The following PRDM10 variants were observed in gnomAD, a reference collection of about 807,000 sequenced individuals.
PRDM10 encodes the protein PR/SET domain 10, also known as PR domain zinc finger protein 10.
PRDM10 carries 65 observed loss-of-function variants against 133.1 expected under a neutral mutation model. The observed-to-expected ratio is 0.49, with a 90% CI of 0.40 to 0.60. PRDM10 has a LOEUF of 0.60. Among genes scored for constraint, PRDM10 ranks in the 20% least tolerant of loss-of-function variants. The pLI is 0.00. For missense variants in PRDM10, 1,137 were observed against 1,507.1 expected (o/e 0.75, Z 4.07); for synonymous variants, 582 against 580.4 (o/e 1.00, Z -0.04).
At chr11:130,000,042 AT>A (rs955648260) in intron 1 of PRDM10, among the ~76,000 whole-genome samples, 305 of 138,592 alleles carry the variant, frequency 2.2e-3, no homozygotes, top group East Asian at 7.9e-3. Context: ...TCGCTTCTAA[AT>A]TTTTTTTTTT....
At chr11:130,000,073 C>T (rs1386389162) in intron 1 of PRDM10, among the ~76,000 whole-genome samples, 3 of 125,666 alleles carry the variant, frequency 2.4e-5, no homozygotes, top group East Asian at 4.5e-4. Context: ...GACGGAGTTT[C>T]GCTCTTGTTG....
intron 14 of PRDM10, among the ~76,000 whole-genome samples, 184 bp from the exon 15 acceptor site, chr11:129,917,421 A>G (rs1320899954): frequency 1.3e-5 from 2 of 152,236 alleles, no homozygotes; most frequent in Non-Finnish European, 2.9e-5. Context: ...ACTCACAGTC[A>G]TGGTTAACAG....
chr11:129,943,160 T>C (rs1951269446), intron 6 of PRDM10, among the ~76,000 whole-genome samples: 1 of 152,200 alleles, frequency 6.6e-6, no homozygotes, highest in African/African-American at 2.4e-5. Context: ...GGAGTGGTTA[T>C]CCACAAAGCA....
intron 17 of PRDM10, among the ~76,000 whole-genome samples, chr11:129,912,696 G>A (rs1950226406): frequency 6.6e-6 from 1 of 151,008 alleles, no homozygotes; most frequent in African/African-American, 2.4e-5. Flanking sequence ...AGCTTGCAGT[G>A]AGCTGGGATT....
In PRDM10 at chr11:129,914,696, C is replaced by G; in HGVS notation, c.2841+8G>C. 1.9e-6 allele frequency: 3 copies of G among 1,614,212 alleles called. No individual in the cohort carries two copies. The highest frequency in any genetic ancestry group is 2.5e-6 in the Non-Finnish European group (3 of 1,180,034). ...CATAAGGCAAAGGGAAACCAAGGCA[C>G]GCAGTACCGAGGCCACTTGAACCAC... On this transcript the variant is annotated splice_region_variant and intron_variant, in intron 17 of 20. Coordinates refer to ENST00000360871, the MANE Select transcript of PRDM10 (RefSeq NM_199437.2).
At position 129,923,190 on chromosome 11, in the gene PRDM10, G is replaced by A. The variant is rs886999614; in HGVS notation, c.2034+58C>T. ...TGAAATGAACAGGCATTTACCCTCA[G>A]CTTGCTATAATTCCAGTGGCCACGA... On this transcript the variant is annotated intron_variant, in intron 13 of 20. Transcript: ENST00000360871. This position sits in a 1 kb window ranked among gnomAD's most constrained non-coding sequence, Gnocchi z 4.4. 4.7e-6 allele frequency: 7 copies of A among 1,490,830 alleles called. No homozygotes were observed. Among genetic ancestry groups the A allele is most frequent in the South Asian group, 1.3e-5 (1 of 75,324 alleles). The allele number at this position is 1,490,830 out of a possible 1,614,324, so 92.4% of individuals were successfully genotyped here.
At position 129,924,940 on chromosome 11, in the gene PRDM10, A is replaced by G; in HGVS notation, c.1820T>C (p.Ile607Thr). Reference sequence around the variant, plus strand: ...TGGGCAGGTGAAGTAGCCATCATTGATATGAATGGCCACATGATCTTTCAA... The same window carrying G: ...TGGGCAGGTGAAGTAGCCATCATTGGTATGAATGGCCACATGATCTTTCAA... Reference protein sequence around the residue: ...DLLKDHVAIHINDGYFTCPTC... With the variant: ...DLLKDHVAIHTNDGYFTCPTC... Residue 607 changes from isoleucine (I) to threonine (T), a missense_variant, in exon 12 of 21, where the codon ATC becomes ACC. Physicochemically the swap from Ile to Thr is moderately conservative, Grantham distance 89. Around this residue, in one of 6 missense-constraint regions of PRDM10, gnomAD observed 635 missense variants for 835.2 expected, o/e 0.76. Transcript: ENST00000360871. 2 of 1,614,136 alleles carry G rather than the reference A, an allele frequency of 1.2e-6. No individual in the cohort carries two copies. Among genetic ancestry groups the G allele is most frequent in the Non-Finnish European group, 1.7e-6 (2 of 1,180,004 alleles).
chr11:129,962,356 G>C (rs1057133301), intron 1 of PRDM10, among the ~76,000 whole-genome samples: 5 of 152,226 alleles, frequency 3.3e-5, no homozygotes, highest in Non-Finnish European at 7.3e-5. Context: ...GAAAGTCTGT[G>C]CCCAACTCTG....
Position 129,932,081 on chromosome 11 carries a change from C to A in PRDM10, c.1287+21G>T. Reference sequence around the variant, plus strand: ...CCTCCACACAAGCACCTAAGGAGGGCTCCTTCCCGTCCCCCCGTACCTGTG... The same window carrying A: ...CCTCCACACAAGCACCTAAGGAGGGATCCTTCCCGTCCCCCCGTACCTGTG... On this transcript the variant is annotated intron_variant, in intron 10 of 20. Transcript: ENST00000360871. The A allele has an allele frequency of 2.5e-6, 4 of 1,608,894 alleles. No homozygotes were observed. In the Middle Eastern group the frequency reaches 6.6e-4, roughly 266 times the overall value.
intron 6 of PRDM10, among the ~76,000 whole-genome samples, chr11:129,944,387 G>C (rs536586318): frequency 5.7e-4 from 87 of 151,612 alleles, no homozygotes; most frequent in Non-Finnish European, 1.3e-4. Context: ...GAGGTCAGGA[G>C]ATCGAGACCA....
intron 1 of PRDM10, among the ~76,000 whole-genome samples, chr11:129,982,289 CGTGTGTGT>C (rs957393089): frequency 6.7e-6 from 1 of 150,018 alleles, no homozygotes; most frequent in African/African-American, 2.4e-5. Context: ...TGTGTGCGCG[CGTGTGTGT>C]GTATACACAG....
chr11:129,914,443 T>C (rs1474243565), intron 17 of PRDM10: 2 of 543,818 alleles, frequency 3.7e-6, no homozygotes, highest in African/African-American at 1.9e-5. Context: ...ACAGGTGCTG[T>C]GGCTACTGTC....
At position 129,912,117 on chromosome 11, in the gene PRDM10, C is replaced by G. The variant is rs747377245; in HGVS notation, c.2950G>C (p.Glu984Gln). The change falls in exon 18 of 21, where the codon GAG becomes CAG. Residue 984 changes from glutamate (E) to glutamine (Q), a missense_variant. Physicochemically the swap from Glu to Gln is conservative, Grantham distance 29 (BLOSUM62 2). This residue lies in a region of PRDM10 where 243 missense variants were observed against 259.2 expected (regional missense o/e 0.94). Coordinates refer to ENST00000360871, the MANE Select transcript of PRDM10 (RefSeq NM_199437.2). ...AIQVQHIQVSEPTASAPSSAQ... is the reference protein window; with the variant it reads ...AIQVQHIQVSQPTASAPSSAQ... The stretch of plus-strand genomic sequence containing the variant: ...GAGGACGGGGCCGAGGCGGTAGGCT[C>G]GCTGACCTGGATGTGCTGCACCTGG... 8.1e-6 allele frequency: 13 copies of G among 1,612,370 alleles called. No individual in the cohort carries two copies. Among genetic ancestry groups the G allele is most frequent in the Non-Finnish European group, 1.1e-5 (13 of 1,179,342 alleles).
At position 129,923,988 on chromosome 11, in the gene PRDM10, G is replaced by A. The variant is rs886646623; in HGVS notation, c.1879-585C>T. On this transcript the variant is annotated intron_variant, in intron 12 of 20. Coordinates refer to ENST00000360871, the MANE Select transcript of PRDM10 (RefSeq NM_199437.2). The surrounding 1 kb of genome is among the most constrained non-coding windows in gnomAD (Gnocchi z 4.4). Reference sequence around the variant, plus strand: ...TGACGCTGGCGTCACTTCTCAACTGGGACTTACTTCCCTTACTTTTAGATA... The same window carrying A: ...TGACGCTGGCGTCACTTCTCAACTGAGACTTACTTCCCTTACTTTTAGATA... Among the ~76,000 whole-genome samples the A allele has an allele frequency of 6.6e-6, 1 of 152,202 alleles. No individual in the cohort carries two copies. The highest frequency in any genetic ancestry group is 1.5e-5 in the Non-Finnish European group (1 of 68,038).
intron 1 of PRDM10, among the ~76,000 whole-genome samples, chr11:129,997,072 A>T (rs1235465562): frequency 6.6e-6 from 1 of 152,244 alleles, no homozygotes; most frequent in East Asian, 1.9e-4. Flanking sequence ...GGGCAGTAAA[A>T]GGAAAGGCAT....
chr11:129,976,455 G>A (rs1471248394), intron 1 of PRDM10, among the ~76,000 whole-genome samples: 1 of 152,212 alleles, frequency 6.6e-6, no homozygotes, highest in Non-Finnish European at 1.5e-5. Flanking sequence ...CCTGGTCTAA[G>A]CAGCTAACAT....
At chr11:129,920,735 A>G (rs1950500176) in intron 13 of PRDM10, among the ~76,000 whole-genome samples, 1 of 151,812 alleles carries the variant, frequency 6.6e-6, no homozygotes, top group African/African-American at 2.4e-5. Context: ...TTTCCCACCC[A>G]TGAATGGATT....
chr11:129,999,257 G>A (rs958383646), intron 1 of PRDM10, among the ~76,000 whole-genome samples: 9 of 152,164 alleles, frequency 5.9e-5, no homozygotes, highest in African/African-American at 1.2e-4. Context: ...AATAAGTCAC[G>A]AAAAGTTCCC....
chr11:129,978,099 G>A (rs1937890115), intron 1 of PRDM10, among the ~76,000 whole-genome samples: 1 of 152,030 alleles, frequency 6.6e-6, no homozygotes, highest in Admixed American at 6.6e-5. Context: ...TTTCGGTTAA[G>A]CCATTATGGA....
Sources: gnomAD v4.1 joint callset for allele counts (sites outside exome capture counted in the v4.1 genomes callset) on GRCh38, gnomAD v4.1.1 for gene constraint, gnomAD v4.1.1 regional missense constraint, Gnocchi (gnomAD v3.1) non-coding constraint, MANE v1.5 for transcripts, NCBI Gene and HGNC (gene_info 2026-07-23, HGNC 2026-07-21) for gene names.